Variants in FAM81A observed in about 807,000 individuals in gnomAD.
FAM81A encodes the protein protein FAM81A.
Under a neutral mutation model 46.7 loss-of-function variants are expected in FAM81A, and 19 were observed. The observed-to-expected ratio is 0.41, with a 90% CI of 0.28 to 0.60. The LOEUF (loss-of-function observed/expected upper bound fraction) is 0.60, where lower values mean the gene tolerates loss of function less well. FAM81A is among the 20% of genes least tolerant of loss of function. The pLI, the probability that FAM81A is intolerant of heterozygous loss-of-function variation, is 0.34. For missense variants in FAM81A, 377 were observed against 453.5 expected (o/e 0.83, Z 1.53); for synonymous variants, 183 against 152.9 (o/e 1.20, Z -1.45).
chr15:59,418,537 A>G (rs1395212114), intron 2 of FAM81A, among the ~76,000 whole-genome samples: 2 of 152,194 alleles, frequency 1.3e-5, no homozygotes, highest in Non-Finnish European at 2.9e-5. Context: ...GATCCAGGTT[A>G]TGAAGGTGTT....
At chr15:59,513,931 A>G (rs1203415395) in intron 6 of FAM81A, among the ~76,000 whole-genome samples, 1 of 152,218 alleles carries the variant, frequency 6.6e-6, no homozygotes, top group Non-Finnish European at 1.5e-5. Flanking sequence ...TTGCAGGGAC[A>G]TGGATGGATC....
intron 7 of FAM81A, among the ~76,000 whole-genome samples, chr15:59,515,952 C>G (rs1157043464): frequency 1.3e-5 from 2 of 152,102 alleles, no homozygotes; most frequent in African/African-American, 4.8e-5. Context: ...TTTTGCCAAC[C>G]CTAGAGTGAT....
intron 6 of FAM81A, 69 bp from the exon 7 acceptor site, chr15:59,514,220 C>T: frequency 4.2e-6 from 6 of 1,419,506 alleles, no homozygotes; most frequent in Non-Finnish European, 5.6e-6. Flanking sequence ...AACATGTACC[C>T]TGGAACTTAA....
intron 3 of FAM81A, among the ~76,000 whole-genome samples, chr15:59,462,578 A>G (rs1398177032): frequency 6.6e-6 from 1 of 152,230 alleles, no homozygotes; most frequent in Non-Finnish European, 1.5e-5. Context: ...TACATTCACA[A>G]TGTTGGGCAA....
At chr15:59,403,055 T>TTTAGTTCAA (rs1234293099) in intron 2 of FAM81A, among the ~76,000 whole-genome samples, 1 of 152,004 alleles carries the variant, frequency 6.6e-6, no homozygotes, top group Non-Finnish European at 1.5e-5. Flanking sequence ...TTCTAGTTCA[T>TTTAGTTCAA]TTAGTTCATG....
rs1005500436 is a variant in FAM81A at position 59,522,787 on chromosome 15, A to G, written c.*1409A>G. The stretch of plus-strand genomic sequence containing the variant: ...TTTCTATTTTTAGGACAAATCACAA[A>G]TGAAGTGTCTAACTGGCTATTACTG... On this transcript the variant is annotated 3_prime_UTR_variant, in exon 9 of 9. Coordinates refer to ENST00000288228, the MANE Select transcript of FAM81A (RefSeq NM_152450.3). The G allele has an allele frequency of 6.6e-6, 1 of 152,662 alleles. No individual in the cohort carries two copies. Among genetic ancestry groups the G allele is most frequent in the Non-Finnish European group, 1.5e-5 (1 of 68,042 alleles). 9.5% of individuals were successfully genotyped at this position (152,662 alleles called of 1,614,324 possible). A position where few individuals can be genotyped will look rare whatever the true frequency, so the allele number is the denominator to read the frequency against.
At chr15:59,508,518 C>T (rs1018077905) in intron 5 of FAM81A, among the ~76,000 whole-genome samples, 3 of 152,062 alleles carry the variant, frequency 2.0e-5, no homozygotes, top group South Asian at 2.1e-4. Flanking sequence ...TTTTCTATGA[C>T]GAGCCGTTAA....
intron 1 of FAM81A, among the ~76,000 whole-genome samples, chr15:59,453,342 A>C (rs2081441935): frequency 1.3e-5 from 2 of 152,214 alleles, no homozygotes; most frequent in African/African-American, 4.8e-5. Flanking sequence ...CAATGTTGAT[A>C]ATAAGAGTAT....
intron 1 of FAM81A, among the ~76,000 whole-genome samples, chr15:59,441,257 A>G (rs1443858115): frequency 6.6e-6 from 1 of 151,994 alleles, no homozygotes; most frequent in East Asian, 1.9e-4. Flanking sequence ...ACTCCACCAT[A>G]TGGGTCATCC....
Position 59,518,943 on chromosome 15 carries a change from CTGTGTGTG to C in FAM81A, c.982+2130_982+2137del, listed in dbSNP as rs34494392. 5.2e-4 allele frequency among the ~76,000 whole-genome samples: 74 copies of C among 143,144 alleles called. 1 individual carries two copies. Among genetic ancestry groups the C allele is most frequent in the African/African-American group, 7.2e-4 (28 of 38,794 alleles). The allele number at this position is 143,144 out of a possible 152,430, so 93.9% of individuals were successfully genotyped here. On this transcript the variant is annotated intron_variant, in intron 8 of 8. Transcript: ENST00000288228. ...CTCACAGGTATTTGTGTGTGTGTGT[CTGTGTGTG>C]TGTGTGTGTGTGTGTGTGTGTGTGT...
At chr15:59,465,128 C>T (rs12443197) in intron 3 of FAM81A, among the ~76,000 whole-genome samples, 71,199 of 152,014 alleles carry the variant, frequency 0.47, 17,398 homozygotes, top group Non-Finnish European at 0.55. Context: ...GCTGTAGATA[C>T]GTGGATTAAT....
At chr15:59,516,022 AAAGGGAAGGACG>A (rs1567079204) in intron 7 of FAM81A, among the ~76,000 whole-genome samples, 3 of 152,204 alleles carry the variant, frequency 2.0e-5, no homozygotes, top group African/African-American at 7.2e-5. Context: ...TGAATTCCAG[AAAGGGAAGGACG>A]AAGGAAGAAG....
At chr15:59,441,186 C>A (rs755646057) in intron 1 of FAM81A, among the ~76,000 whole-genome samples, 1 of 152,250 alleles carries the variant, frequency 6.6e-6, no homozygotes, top group Non-Finnish European at 1.5e-5. Flanking sequence ...TGGGAACTGG[C>A]TGCATTTGTT....
chr15:59,490,764 A>G (rs780666883), intron 3 of FAM81A, among the ~76,000 whole-genome samples: 1 of 152,184 alleles, frequency 6.6e-6, no homozygotes, highest in Non-Finnish European at 1.5e-5. Context: ...TGAATCCAGG[A>G]GGTGGAGGTT....
intron 1 of FAM81A, among the ~76,000 whole-genome samples, chr15:59,398,912 G>A (rs1269257899): frequency 6.6e-6 from 1 of 152,004 alleles, no homozygotes; most frequent in Non-Finnish European, 1.5e-5. Flanking sequence ...GCTCACGCCT[G>A]TAATCCCAGC....
chr15:59,459,867 A>G, intron 2 of FAM81A, 66 bp from the exon 3 acceptor site: 1 of 1,473,976 alleles, frequency 6.8e-7, no homozygotes, highest in Middle Eastern at 1.8e-4. Flanking sequence ...TTCTCTGGGA[A>G]GTTTTGAATC....
At chr15:59,498,459 C>T (rs1178960666) in intron 4 of FAM81A, among the ~76,000 whole-genome samples, 1 of 152,140 alleles carries the variant, frequency 6.6e-6, no homozygotes, top group Admixed American at 6.6e-5. Context: ...ACAGATCATG[C>T]CATCTGCAAA....
chr15:59,476,364 A>T (rs960151052), intron 3 of FAM81A, among the ~76,000 whole-genome samples: 1 of 152,186 alleles, frequency 6.6e-6, no homozygotes, highest in Non-Finnish European at 1.5e-5. Context: ...CTGGGATTAC[A>T]GGCATGAGCC....
chr15:59,446,099 T>C (rs927087544), intron 1 of FAM81A, among the ~76,000 whole-genome samples: 20 of 152,166 alleles, frequency 1.3e-4, no homozygotes, highest in South Asian at 2.1e-4. Flanking sequence ...TGAACAAATA[T>C]GTATGAGTGT....
Sources: gnomAD v4.1 joint callset for allele counts (sites outside exome capture counted in the v4.1 genomes callset) on GRCh38, gnomAD v4.1.1 for gene constraint, MANE v1.5 for transcripts, NCBI Gene and HGNC (gene_info 2026-07-23, HGNC 2026-07-21) for gene names.